The following RGS3 variants were observed in gnomAD, a reference collection of about 807,000 sequenced individuals.
RGS3 encodes regulator of G protein signaling 3.
RGS3 carries 80 observed loss-of-function variants against 132.6 expected under a neutral mutation model. The observed-to-expected ratio is 0.60, with a 90% CI of 0.50 to 0.73. The LOEUF is 0.73. RGS3 is among the 30% of genes least tolerant of loss of function. The probability of loss-of-function intolerance (pLI) is 0.00; values close to 1 mark genes in which losing one functional copy is unlikely to be tolerated. For missense variants in RGS3, 1,382 were observed against 1,530.8 expected (o/e 0.90, Z 1.62); for synonymous variants, 598 against 620.6 (o/e 0.96, Z 0.54).
intron 19 of RGS3, chr9:113,581,815 C>T (rs1834828237): frequency 6.5e-6 from 1 of 154,044 alleles, no homozygotes; most frequent in South Asian, 2.1e-4. Flanking sequence ...TGTGTGGAGT[C>T]ACCTCTGAGC....
At position 113,577,535 on chromosome 9, in the gene RGS3, G is replaced by C. The variant is rs377752426; in HGVS notation, c.2038-5915G>C. ...AGGGACCATTAGAGGAGGAATGATG[G>C]ACTTGCGGGGAGATCACACATTCAG... On this transcript the variant is annotated intron_variant, in intron 19 of 24. Transcript: ENST00000350696. 2.8e-4 allele frequency among the ~76,000 whole-genome samples: 42 copies of C among 152,242 alleles called. No homozygotes were observed. In the East Asian group the frequency reaches 6.4e-3, roughly 23 times the overall value.
chr9:113,565,164 G>A lies in RGS3; in HGVS notation c.2038-18286G>A, dbSNP rs1008284446. On this transcript the variant is annotated intron_variant, in intron 19 of 24. Coordinates refer to ENST00000350696, the Ensembl canonical transcript of RGS3. This position sits in a 1 kb window ranked among gnomAD's most constrained non-coding sequence, Gnocchi z 5.7. ...GCCACAGGGGACCCACAGCCTATGC[G>A]TGTGAGCATGTAACCCGGGAGCCAG... 1.5e-5 allele frequency: 18 copies of A among 1,223,870 alleles called. No individual in the cohort carries two copies. In the East Asian group the frequency reaches 2.9e-4, roughly 19 times the overall value. The allele number at this position is 1,223,870 out of a possible 1,614,324, so 75.8% of individuals were successfully genotyped here.
chr9:113,505,881 A>G (rs983726224), intron 11 of RGS3, among the ~76,000 whole-genome samples: 4 of 152,234 alleles, frequency 2.6e-5, no homozygotes, highest in Non-Finnish European at 4.4e-5. Context: ...ATCAGCACTT[A>G]AAAAGAGCCA....
At chr9:113,458,787 T>C (rs1044150813), upstream of RGS3, among the ~76,000 whole-genome samples, 3 of 152,212 alleles carry the variant, frequency 2.0e-5, no homozygotes, top group Non-Finnish European at 2.9e-5. Flanking sequence ...AGTCTTGCTC[T>C]GTTGTCCAGG....
In RGS3 at chr9:113,594,523, G is replaced by T. The variant is rs761974662; in HGVS notation, c.3174G>T (p.Lys1058Asn). The change falls in exon 22 of 25, where the codon AAG becomes AAT. Residue 1058 changes from lysine to asparagine, a missense_variant. Lys to Asn is a moderately conservative substitution (Grantham distance 94, BLOSUM62 0). Coordinates refer to ENST00000350696, the Ensembl canonical transcript of RGS3. ...CGGGCAAGGCAGACAAAATGATGAA[G>T]TCATTCAAGTAGGTCCTCCCTGGCA... 5.0e-6 allele frequency: 8 copies of T among 1,612,988 alleles called. No homozygotes were observed. In the Admixed American group the frequency reaches 8.3e-5, roughly 17 times the overall value.
chr9:113,541,439 G>T, intron 19 of RGS3: 1 of 1,612,120 alleles, frequency 6.2e-7, no homozygotes, highest in Non-Finnish European at 8.5e-7. Context: ...CAAACCCAAG[G>T]GCGGGACTCT....
chr9:113,543,937 T>A (rs1459903588), intron 19 of RGS3, among the ~76,000 whole-genome samples: 10 of 152,134 alleles, frequency 6.6e-5, no homozygotes, highest in Admixed American at 6.6e-4. Context: ...CTCAAATCGA[T>A]CGAACAATTA....
At chr9:113,445,219 CAG>C (rs1319317094) in intron 1 of RGS3, among the ~76,000 whole-genome samples, 4 of 150,262 alleles carry the variant, frequency 2.7e-5, no homozygotes, top group Admixed American at 1.3e-4. Flanking sequence ...TTTTTTGAGA[CAG>C]AGTTTTGCTC....
chr9:113,507,963 T>C lies in RGS3; in HGVS notation c.1437+325T>C, dbSNP rs1193123564. 2.0e-5 allele frequency among the ~76,000 whole-genome samples: 3 copies of C among 152,136 alleles called. No homozygotes were observed. Among genetic ancestry groups the C allele is most frequent in the Non-Finnish European group, 4.4e-5 (3 of 68,008 alleles). ...CTTGGTAGGTGGTGAGCCCCCATCATAGGAGGTATGAAAGCAGACACTGCA... is the reference window on the plus strand; with the variant it reads ...CTTGGTAGGTGGTGAGCCCCCATCACAGGAGGTATGAAAGCAGACACTGCA... On this transcript the variant is annotated intron_variant, in intron 13 of 24. Coordinates refer to ENST00000350696, the Ensembl canonical transcript of RGS3. This position sits in a 1 kb window ranked among gnomAD's most constrained non-coding sequence, Gnocchi z 5.0.
At chr9:113,478,319 C>T (rs1830058178) in intron 3 of RGS3, among the ~76,000 whole-genome samples, 2 of 151,986 alleles carry the variant, frequency 1.3e-5, no homozygotes, top group South Asian at 4.2e-4. Context: ...TATAGAAGTG[C>T]TATAGTTCGT....
At chr9:113,595,522 G>A in intron 23 of RGS3, 77 bp from the exon 22 acceptor site, 1 of 1,525,386 alleles carries the variant, frequency 6.6e-7, no homozygotes. Flanking sequence ...TTAAAGTCCT[G>A]TAGGGGTAAG....
intron 19 of RGS3, among the ~76,000 whole-genome samples, chr9:113,543,437 G>GCC (rs925718268): frequency 6.6e-6 from 1 of 152,210 alleles, no homozygotes; most frequent in African/African-American, 2.4e-5. Context: ...CCAGACCAAT[G>GCC]CCCCCCACCC....
intron 3 of RGS3, among the ~76,000 whole-genome samples, chr9:113,470,523 A>G (rs530978645): frequency 1.3e-5 from 2 of 152,316 alleles, no homozygotes; most frequent in South Asian, 4.1e-4. Flanking sequence ...CTTTATTTCT[A>G]GTAGGTATAA....
At chr9:113,531,534 A>C (rs1832465399) in intron 18 of RGS3, among the ~76,000 whole-genome samples, 1 of 152,192 alleles carries the variant, frequency 6.6e-6, no homozygotes, top group African/African-American at 2.4e-5. Flanking sequence ...AATGGTAGCT[A>C]TTGTTATTGT....
At chr9:113,564,757 T>C (rs1022945416) in intron 19 of RGS3, among the ~76,000 whole-genome samples, 1 of 152,216 alleles carries the variant, frequency 6.6e-6, no homozygotes, top group African/African-American at 2.4e-5. Context: ...CTGCAGAGTT[T>C]AGCATTCAAA....
chr9:113,446,651 C>T (rs1829105568), intron 1 of RGS3, among the ~76,000 whole-genome samples: 2 of 152,110 alleles, frequency 1.3e-5, no homozygotes, highest in Non-Finnish European at 2.9e-5. Context: ...AGGGTCTGTG[C>T]CTATTGTTTT....
intron 3 of RGS3, among the ~76,000 whole-genome samples, chr9:113,471,313 C>T (rs929212527): frequency 6.6e-6 from 1 of 152,104 alleles, no homozygotes; most frequent in Non-Finnish European, 1.5e-5. Flanking sequence ...CAGAAACTCA[C>T]TCAGTCTCTT....
intron 7 of RGS3, among the ~76,000 whole-genome samples, chr9:113,486,754 CTT>C (rs1205130800): frequency 6.6e-6 from 1 of 152,194 alleles, no homozygotes; most frequent in Non-Finnish European, 1.5e-5. Context: ...GTTCAATGCT[CTT>C]TAGTACTCTA....
At position 113,484,246 on chromosome 9, in the gene RGS3, G is replaced by T. The variant is rs755264439; in HGVS notation, c.620+14G>T. 21 of 1,502,044 alleles carry T rather than the reference G, an allele frequency of 1.4e-5. No individual in the cohort carries two copies. Among genetic ancestry groups the T allele is most frequent in the Non-Finnish European group, 1.8e-5 (20 of 1,089,672 alleles). 93.0% of individuals were successfully genotyped at this position (1,502,044 alleles called of 1,614,324 possible). A position where few individuals can be genotyped will look rare whatever the true frequency, so the allele number is the denominator to read the frequency against. ...GCACTTCTTCTTGTAAGAGTCTGGTGCAGCTGGGCCCTAGAAAGGAGAGGG... is the reference window on the plus strand; with the variant it reads ...GCACTTCTTCTTGTAAGAGTCTGGTTCAGCTGGGCCCTAGAAAGGAGAGGG... On this transcript the variant is annotated intron_variant, in intron 6 of 24. Coordinates refer to ENST00000350696, the Ensembl canonical transcript of RGS3.
Sources: gnomAD v4.1 joint callset for allele counts (sites outside exome capture counted in the v4.1 genomes callset) on GRCh38, gnomAD v4.1.1 for gene constraint, Gnocchi (gnomAD v3.1) non-coding constraint, MANE v1.5 for transcripts, NCBI Gene and HGNC (gene_info 2026-07-23, HGNC 2026-07-21) for gene names.